Variants in TAF3 observed in about 807,000 individuals in gnomAD.
TAF3 encodes the protein transcription initiation factor TFIID subunit 3.
TAF3 carries 7 observed loss-of-function variants against 80.6 expected under a neutral mutation model. The ratio of observed to expected loss-of-function variants is 0.09; its 90% CI spans 0.05 to 0.16. The LOEUF (loss-of-function observed/expected upper bound fraction) is 0.16. Ranked by LOEUF, TAF3 falls within the 10% of genes least tolerant of loss-of-function variation. TAF3 has a pLI of 1.00. For synonymous variants in TAF3, 444 were observed against 446.1 expected (o/e 1.00, Z 0.06); for missense variants, 921 against 1,140.2 (o/e 0.81, Z 2.77).
intron 2 of TAF3, among the ~76,000 whole-genome samples, chr10:7,829,156 A>G (rs1320729396): frequency 6.6e-6 from 1 of 151,190 alleles, no homozygotes; most frequent in East Asian, 1.9e-4. Flanking sequence ...TAGAGTTTCT[A>G]TTTTTTAAAA....
chr10:7,858,832 G>GCA (rs1045943215), intron 2 of TAF3, among the ~76,000 whole-genome samples: 10 of 149,532 alleles, frequency 6.7e-5, no homozygotes, highest in South Asian at 4.2e-4. Flanking sequence ...GTGTGTGCGC[G>GCA]CGCCTGCATG....
chr10:7,845,636 G>A (rs1372213918), intron 2 of TAF3, among the ~76,000 whole-genome samples: 1 of 150,492 alleles, frequency 6.6e-6, no homozygotes, highest in African/African-American at 2.4e-5. Context: ...GAGTATTATA[G>A]CAGTATCTGA....
chr10:7,894,907 ACT>A (rs1837491714), intron 2 of TAF3, among the ~76,000 whole-genome samples: 1 of 151,408 alleles, frequency 6.6e-6, no homozygotes, highest in African/African-American at 2.4e-5. Flanking sequence ...GGTTTTTGAG[ACT>A]CTGCCACCCA....
chr10:7,954,865 G>A (rs1382000883), intron 2 of TAF3, among the ~76,000 whole-genome samples: 1 of 142,206 alleles, frequency 7.0e-6, no homozygotes, highest in African/African-American at 2.5e-5. Flanking sequence ...CACTCCATAG[G>A]TGAATGAGTG....
chr10:7,954,136 C>T (rs1286378488), intron 2 of TAF3, among the ~76,000 whole-genome samples: 1 of 134,010 alleles, frequency 7.5e-6, no homozygotes, highest in South Asian at 2.7e-4. Context: ...ATGAATTAGT[C>T]CCAGTTAACA....
intron 2 of TAF3, among the ~76,000 whole-genome samples, chr10:7,959,871 A>G (rs1408989709): frequency 1.3e-5 from 2 of 152,230 alleles, no homozygotes; most frequent in African/African-American, 2.4e-5. Context: ...CCTTACATCC[A>G]TAAGACTTGA....
At chr10:7,992,468 G>C (rs1475019461) in intron 4 of TAF3, among the ~76,000 whole-genome samples, 1 of 152,190 alleles carries the variant, frequency 6.6e-6, no homozygotes, top group Non-Finnish European at 1.5e-5. Context: ...GGCTGGAAGA[G>C]ATACATCTAA....
At chr10:7,995,786 C>T (rs1831881908) in intron 4 of TAF3, among the ~76,000 whole-genome samples, 1 of 152,126 alleles carries the variant, frequency 6.6e-6, no homozygotes. Context: ...AGGCCACGAG[C>T]TTCAGGAATT....
intron 4 of TAF3, among the ~76,000 whole-genome samples, chr10:7,991,401 A>G (rs1306568602): frequency 1.3e-5 from 2 of 152,088 alleles, no homozygotes; most frequent in African/African-American, 4.8e-5. Flanking sequence ...GCAGTATGGA[A>G]AAACACATTA....
chr10:7,932,063 A>G (rs1221716865), intron 2 of TAF3, among the ~76,000 whole-genome samples: 1 of 152,184 alleles, frequency 6.6e-6, no homozygotes, highest in South Asian at 2.1e-4. Context: ...GAGATCCCCT[A>G]TGGATTTATG....
At chr10:7,913,656 G>A (rs988664756) in intron 2 of TAF3, among the ~76,000 whole-genome samples, 7 of 152,142 alleles carry the variant, frequency 4.6e-5, no homozygotes, top group African/African-American at 1.2e-4. Flanking sequence ...ATGCAATGTG[G>A]TCGCTGTGCC....
intron 2 of TAF3, among the ~76,000 whole-genome samples, chr10:7,947,452 G>A (rs1159378941): frequency 6.6e-6 from 1 of 152,156 alleles, no homozygotes; most frequent in Non-Finnish European, 1.5e-5. Flanking sequence ...CAAACATTCT[G>A]TGGTGTTAGG....
intron 2 of TAF3, among the ~76,000 whole-genome samples, chr10:7,946,147 A>G (rs1205432852): frequency 1.3e-5 from 2 of 152,158 alleles, no homozygotes; most frequent in Non-Finnish European, 2.9e-5. Context: ...ACTAGATCAA[A>G]CTATTTTAAA....
At chr10:7,827,185 A>G (rs2131100754) in intron 2 of TAF3, among the ~76,000 whole-genome samples, 1 of 152,300 alleles carries the variant, frequency 6.6e-6, no homozygotes, top group South Asian at 2.1e-4. Context: ...CGTGGACCTC[A>G]CGGCATCACT....
At chr10:7,957,275 G>A (rs903186311) in intron 2 of TAF3, among the ~76,000 whole-genome samples, 3 of 151,822 alleles carry the variant, frequency 2.0e-5, no homozygotes, top group East Asian at 3.8e-4. Context: ...GAGCGATGGG[G>A]AGATTAGGGC....
At chr10:7,968,389 G>A (rs1392864920) in intron 3 of TAF3, among the ~76,000 whole-genome samples, 1 of 152,136 alleles carries the variant, frequency 6.6e-6, no homozygotes, top group Non-Finnish European at 1.5e-5. Context: ...CTGATACCAA[G>A]AACCAATAAA....
At chr10:7,911,241 G>A (rs927782808) in intron 2 of TAF3, among the ~76,000 whole-genome samples, 2 of 152,244 alleles carry the variant, frequency 1.3e-5, no homozygotes, top group Non-Finnish European at 2.9e-5. Context: ...AAGGGACTGA[G>A]TATTCAAACC....
intron 2 of TAF3, among the ~76,000 whole-genome samples, chr10:7,957,028 A>G (rs1347586021): frequency 6.6e-6 from 1 of 152,178 alleles, no homozygotes; most frequent in African/African-American, 2.4e-5. Flanking sequence ...AGTTTAATCA[A>G]TTATAACACA....
At chr10:7,831,894 A>T (rs976954492) in intron 2 of TAF3, among the ~76,000 whole-genome samples, 1 of 151,128 alleles carries the variant, frequency 6.6e-6, no homozygotes, top group African/African-American at 2.4e-5. Flanking sequence ...TTTAATTTTA[A>T]TTTTTTTTAA....
Sources: gnomAD v4.1 joint callset for allele counts (sites outside exome capture counted in the v4.1 genomes callset) on GRCh38, gnomAD v4.1.1 for gene constraint, MANE v1.5 for transcripts, NCBI Gene and HGNC (gene_info 2026-07-23, HGNC 2026-07-21) for gene names.